PTPRQ: variants seen among roughly 807,000 people sequenced by gnomAD.
PTPRQ encodes protein tyrosine phosphatase receptor type Q, also known as phosphatidylinositol phosphatase PTPRQ.
A neutral mutation model predicts 246.0 loss-of-function variants in PTPRQ; 199 were observed. The observed-to-expected ratio is 0.81, with a 90% CI of 0.72 to 0.91. The LOEUF (loss-of-function observed/expected upper bound fraction) is 0.91, where lower values mean the gene tolerates loss of function less well. Among genes scored for constraint, PTPRQ ranks in the 40% least tolerant of loss-of-function variants. The probability of loss-of-function intolerance (pLI) is 0.00; values close to 1 mark genes in which losing one functional copy is unlikely to be tolerated. For synonymous variants in PTPRQ, 869 were observed against 853.2 expected (o/e 1.02, Z -0.32); for missense variants, 2,624 against 2,528.4 (o/e 1.04, Z -0.81).
chr12:80,524,013 G>A (rs1171161484), intron 17 of PTPRQ, among the ~76,000 whole-genome samples: 5 of 152,080 alleles, frequency 3.3e-5, no homozygotes, highest in African/African-American at 1.2e-4. Flanking sequence ...CTCTTTCTAG[G>A]TCTCGAAGGA....
chr12:80,452,517 C>G (rs1452787273), intron 3 of PTPRQ, among the ~76,000 whole-genome samples: 1 of 152,148 alleles, frequency 6.6e-6, no homozygotes, highest in Non-Finnish European at 1.5e-5. Context: ...TTGTTCTTTT[C>G]CATGTTTAGT....
intron 26 of PTPRQ, among the ~76,000 whole-genome samples, chr12:80,598,506 G>A (rs980426784): frequency 3.9e-5 from 6 of 151,942 alleles, no homozygotes; most frequent in Admixed American, 3.9e-4. Context: ...ATCCACCAGC[G>A]AGTTGGATTT....
chr12:80,513,695 C>G (rs1284705156), intron 17 of PTPRQ, among the ~76,000 whole-genome samples: 1 of 152,120 alleles, frequency 6.6e-6, no homozygotes, highest in Non-Finnish European at 1.5e-5. Context: ...ATATCAATAT[C>G]GTGAGAAACG....
intron 17 of PTPRQ, among the ~76,000 whole-genome samples, chr12:80,518,711 C>T (rs1482016228): frequency 6.6e-6 from 1 of 152,094 alleles, no homozygotes; most frequent in Non-Finnish European, 1.5e-5. Context: ...CCAGTTTTCC[C>T]AGCACCATTT....
At chr12:80,676,515 G>T (rs1234348259) in intron 43 of PTPRQ, among the ~76,000 whole-genome samples, 1 of 152,158 alleles carries the variant, frequency 6.6e-6, no homozygotes. Context: ...GGTGGCGCGT[G>T]CCTGTAATCC....
chr12:80,511,252 C>G (rs1472241611), intron 17 of PTPRQ, among the ~76,000 whole-genome samples: 5 of 152,084 alleles, frequency 3.3e-5, no homozygotes, highest in Non-Finnish European at 5.9e-5. Flanking sequence ...TTTTCTTTCC[C>G]TAATTCCCCT....
chr12:80,468,755 G>C lies in PTPRQ; in HGVS notation c.956G>C (p.Gly319Ala). The C allele has an allele frequency of 6.5e-7, 1 of 1,550,064 alleles. No homozygotes were observed. ...PQNCVTGNIT[G>A]KSFSILWDPP... ...AACTGCGTAACAGGCAACATCACAG[G>C]AAAGTCCTTTTCAATTTTATGGGAC... Residue 319 changes from glycine to alanine, a missense_variant, in exon 7 of 45, where the codon GGA becomes GCA. Coordinates refer to ENST00000644991, the MANE Select transcript of PTPRQ (RefSeq NM_001145026.2).
chr12:80,488,596 T>C (rs1190699522), intron 9 of PTPRQ, among the ~76,000 whole-genome samples: 1 of 152,026 alleles, frequency 6.6e-6, no homozygotes, highest in Non-Finnish European at 1.5e-5. Flanking sequence ...TGGTTTAAAG[T>C]GTTGCTTCTG....
At chr12:80,446,163 G>T (rs1592508612) in intron 3 of PTPRQ, among the ~76,000 whole-genome samples, 1 of 150,576 alleles carries the variant, frequency 6.6e-6, no homozygotes, top group Non-Finnish European at 1.5e-5. Context: ...AGTAAAAAGG[G>T]CAATAAATCT....
At chr12:80,640,025 C>CGTGT (rs149812346) in intron 35 of PTPRQ, among the ~76,000 whole-genome samples, 11,933 of 142,886 alleles carry the variant, frequency 0.084, 520 homozygotes, top group Admixed American at 0.1. Context: ...TGAAGATACA[C>CGTGT]GTGTGTGTGT....
Position 80,616,282 on chromosome 12 carries a change from A to G in PTPRQ, c.5230+16A>G, listed in dbSNP as rs1424224312. The G allele has an allele frequency of 1.4e-6, 2 of 1,460,132 alleles. No homozygotes were observed. The highest frequency in any genetic ancestry group is 1.8e-6 in the Non-Finnish European group (2 of 1,104,232). 90.4% of individuals were successfully genotyped at this position (1,460,132 alleles called of 1,614,324 possible). A position where few individuals can be genotyped will look rare whatever the true frequency, so the allele number is the denominator to read the frequency against. On this transcript the variant is annotated intron_variant, in intron 30 of 44. Transcript: ENST00000644991. Reference sequence around the variant, plus strand: ...GATATCAAAGGTACATACATGAGCTACCTTCCTATGAAATGCTATTAATCA... The same window carrying G: ...GATATCAAAGGTACATACATGAGCTGCCTTCCTATGAAATGCTATTAATCA...
intron 33 of PTPRQ, among the ~76,000 whole-genome samples, chr12:80,629,349 G>A (rs947293265): frequency 1.3e-5 from 2 of 152,030 alleles, no homozygotes; most frequent in Admixed American, 1.3e-4. Context: ...TAATTTGGGG[G>A]AAACACATGT....
intron 25 of PTPRQ, among the ~76,000 whole-genome samples, chr12:80,553,970 C>T (rs1325146453): frequency 6.6e-6 from 1 of 151,908 alleles, no homozygotes; most frequent in Non-Finnish European, 1.5e-5. Flanking sequence ...GAAAGACAAA[C>T]TTCATGTGTT....
chr12:80,646,484 A>AG (rs11465200), intron 35 of PTPRQ, among the ~76,000 whole-genome samples: 26,574 of 152,086 alleles, frequency 0.17, 3,209 homozygotes, highest in African/African-American at 0.33. Flanking sequence ...ATCCCCCTTG[A>AG]GGGGTGAGGG....
chr12:80,529,796 A>G (rs986682734), intron 17 of PTPRQ, among the ~76,000 whole-genome samples: 4 of 152,194 alleles, frequency 2.6e-5, no homozygotes, highest in Admixed American at 2.0e-4. Context: ...TTTTTACAGA[A>G]TAATTTCAAA....
At chr12:80,543,789 A>T (rs1324187801) in intron 23 of PTPRQ, among the ~76,000 whole-genome samples, 1 of 152,098 alleles carries the variant, frequency 6.6e-6, no homozygotes, top group Non-Finnish European at 1.5e-5. Context: ...TGATAGTCTG[A>T]GTATAATTTG....
In PTPRQ at chr12:80,495,215, A is replaced by G; in HGVS notation, c.1726A>G (p.Asn576Asp). Residue 576 changes from asparagine (N) to aspartate (D), a missense_variant, in exon 12 of 45, where the codon AAC becomes GAC. By Grantham distance (23) the Asn-to-Asp change is conservative. Transcript: ENST00000644991. ...AGTGCCAAGCTCCATTAAAATTATA[A>G]ACTATAAAAATATTAGTTCTTCATC... is the stretch of plus-strand genomic sequence containing the variant. ...QQVPSSIKII[N>D]YKNISSSSIL... 1 of 1,538,778 alleles carries G rather than the reference A, an allele frequency of 6.5e-7. No homozygotes were observed. The highest frequency in any genetic ancestry group is 8.7e-7 in the Non-Finnish European group (1 of 1,142,998).
intron 26 of PTPRQ, 67 bp downstream of exon 26, chr12:80,588,519 T>G (rs377760537): frequency 7.5e-7 from 1 of 1,325,028 alleles, no homozygotes. Flanking sequence ...TATATTATGC[T>G]TTATACTTAA....
At chr12:80,468,643 T>C in intron 6 of PTPRQ, 67 bp from the exon 7 acceptor site, 1 of 1,343,636 alleles carries the variant, frequency 7.4e-7, no homozygotes. Context: ...TTTTATTATG[T>C]GTATTTAATA....
Sources: allele counts gnomAD v4.1 joint callset (sites outside exome capture counted in the v4.1 genomes callset), GRCh38; gene constraint gnomAD v4.1.1; transcripts MANE v1.5; gene names NCBI Gene and HGNC (gene_info 2026-07-23, HGNC 2026-07-21).